The following TIPRL variants were observed in gnomAD, a reference collection of about 807,000 sequenced individuals.
TIPRL encodes TIP41-like protein.
TIPRL carries 10 observed loss-of-function variants against 32.3 expected under a neutral mutation model. That is an observed-to-expected ratio of 0.31 (90% CI 0.19 to 0.52). The LOEUF is 0.52. TIPRL is among the 20% of genes least tolerant of loss of function. The pLI, the probability that TIPRL is intolerant of heterozygous loss-of-function variation, is 0.96. For synonymous variants in TIPRL, 100 were observed against 114.0 expected (o/e 0.88, Z 0.78); for missense variants, 250 against 328.1 (o/e 0.76, Z 1.84).
chr1:168,187,353 T>C (rs1371755196), intron 3 of TIPRL, among the ~76,000 whole-genome samples: 3 of 152,218 alleles, frequency 2.0e-5, no homozygotes, highest in African/African-American at 7.2e-5. Flanking sequence ...TCCTGGAGGT[T>C]ATGAAGCAGC....
At chr1:168,183,185 C>T (rs180737057) in intron 1 of TIPRL, among the ~76,000 whole-genome samples, 143 of 152,112 alleles carry the variant, frequency 9.4e-4, no homozygotes, top group Admixed American at 2.5e-3. Context: ...TATGGATATA[C>T]TTTGGTTTGC....
chr1:168,199,077 T>A, intron 6 of TIPRL, 96 bp downstream of exon 6: 2 of 871,336 alleles, frequency 2.3e-6, no homozygotes, highest in Non-Finnish European at 3.7e-6. Context: ...CAAGTTTACA[T>A]CCCTAAACCC....
intron 4 of TIPRL, among the ~76,000 whole-genome samples, chr1:168,196,310 T>G (rs1298733579): frequency 6.6e-6 from 1 of 152,172 alleles, no homozygotes; most frequent in African/African-American, 2.4e-5. Flanking sequence ...CAATATCTCC[T>G]CACCTAGAAA....
chr1:168,181,463 C>T (rs925991973), intron 1 of TIPRL, among the ~76,000 whole-genome samples: 1 of 151,512 alleles, frequency 6.6e-6, no homozygotes, highest in Non-Finnish European at 1.5e-5. Context: ...CACCTGCCCT[C>T]GGCCTCCCAA....
intron 3 of TIPRL, among the ~76,000 whole-genome samples, chr1:168,190,285 T>G (rs986153358): frequency 6.6e-6 from 1 of 152,202 alleles, no homozygotes; most frequent in Non-Finnish European, 1.5e-5. Flanking sequence ...GGCTAAGTGT[T>G]ATCTCTAAGT....
chr1:168,184,070 G>T lies in TIPRL; in HGVS notation c.273G>T (p.Trp91Cys). Residue 91 changes from tryptophan (W) to cysteine (C), a missense_variant, in exon 2 of 7, where the codon TGG becomes TGT. By Grantham distance (215) the Trp-to-Cys change is radical. Transcript: ENST00000367833. ...GMLKVACAEE[W>C]QESRTEGEHS... is the part of the protein sequence containing the mutation. Reference sequence around the variant, plus strand: ...TTAAAGTGGCCTGTGCTGAAGAGTGGCAAGAAAGCAGGTGAGAATCCGGTC... The same window carrying T: ...TTAAAGTGGCCTGTGCTGAAGAGTGTCAAGAAAGCAGGTGAGAATCCGGTC... 2 of 1,605,050 alleles carry T rather than the reference G, an allele frequency of 1.2e-6. No individual in the cohort carries two copies. The highest frequency in any genetic ancestry group is 1.7e-6 in the Non-Finnish European group (2 of 1,173,188).
intron 1 of TIPRL, among the ~76,000 whole-genome samples, chr1:168,180,953 T>C (rs975708096): frequency 2.6e-5 from 4 of 151,186 alleles, no homozygotes; most frequent in African/African-American, 9.7e-5. Context: ...CATGAGCCAC[T>C]GCGCCCAGCC....
At chr1:168,184,644 G>A in intron 2 of TIPRL, 135 bp from the exon 3 acceptor site, 2 of 675,986 alleles carry the variant, frequency 3.0e-6, no homozygotes. Flanking sequence ...GAAAAACCTT[G>A]TACTGGTGAA....
intron 3 of TIPRL, among the ~76,000 whole-genome samples, chr1:168,191,131 A>T (rs1210840957): frequency 1.3e-5 from 2 of 152,100 alleles, no homozygotes; most frequent in African/African-American, 4.8e-5. Context: ...AAAATGATAA[A>T]TTTTTACTGC....
Position 168,184,815 on chromosome 1 carries a change from A to G in TIPRL, c.321A>G (p.Pro107=), listed in dbSNP as rs559074902. 4 of 1,612,842 alleles carry G rather than the reference A, an allele frequency of 2.5e-6. No homozygotes were observed. Among genetic ancestry groups the G allele is most frequent in the African/African-American group, 1.3e-5 (1 of 75,030 alleles). The part of the protein sequence containing the change: ...EGEHSKEVIK[P]YDWTYTTDYK... Reference sequence around the variant, plus strand: ...AACACTCCAAAGAGGTTATTAAACCATATGATTGGACCTATACAACAGATT... The same window carrying G: ...AACACTCCAAAGAGGTTATTAAACCGTATGATTGGACCTATACAACAGATT... The change falls in exon 3 of 7, where the codon CCA becomes CCG. Residue 107 remains proline, a synonymous_variant. Transcript: ENST00000367833.
intron 6 of TIPRL, among the ~76,000 whole-genome samples, chr1:168,199,654 T>C (rs912849869): frequency 1.3e-5 from 2 of 152,188 alleles, no homozygotes; most frequent in African/African-American, 4.8e-5. Context: ...TGGATTAAGA[T>C]GTATTAAATT....
intron 3 of TIPRL, among the ~76,000 whole-genome samples, chr1:168,186,098 A>AAT (rs1700024606): frequency 6.6e-6 from 1 of 150,376 alleles, no homozygotes. Flanking sequence ...AAAAAAAAAA[A>AAT]AAAAAGAGAG....
chr1:168,193,434 A>G (rs1023973195), intron 4 of TIPRL, among the ~76,000 whole-genome samples: 1 of 152,184 alleles, frequency 6.6e-6, no homozygotes, highest in African/African-American at 2.4e-5. Flanking sequence ...TTCTTTGCTC[A>G]CTTATAACTC....
At chr1:168,192,126 A>G (rs1381070836) in intron 4 of TIPRL, 4 of 1,328,068 alleles carry the variant, frequency 3.0e-6, no homozygotes, top group Non-Finnish European at 3.9e-6. Context: ...GGATCTGCAG[A>G]CGGCAAGGTG....
intron 3 of TIPRL, among the ~76,000 whole-genome samples, chr1:168,190,036 CAAATA>C (rs1241580704): frequency 2.0e-5 from 3 of 152,126 alleles, no homozygotes; most frequent in Non-Finnish European, 2.9e-5. Flanking sequence ...GAACTAAAAT[CAAATA>C]AAAAGGACGA....
At chr1:168,186,074 CAAAAAAAAAAAAAAAA>C (rs56699636) in intron 3 of TIPRL, among the ~76,000 whole-genome samples, 6 of 56,058 alleles carry the variant, frequency 1.1e-4, no homozygotes, top group East Asian at 1.2e-3. Context: ...GACTCCGTCT[CAAAAAAAAAAAAAAAA>C]AAAAAAAAAA....
At position 168,198,932 on chromosome 1, in the gene TIPRL, AC is replaced by A; in HGVS notation, c.627del (p.Tyr209Ter). Reference sequence around the variant, plus strand: ...TTTTAAATACAGGCTGACAAGACCTACATGTTACGAGAATATACGTCACGAG... The same window carrying A: ...TTTTAAATACAGGCTGACAAGACCTAATGTTACGAGAATATACGTCACGAG... ...TRLYHEADKT[Y>X]MLREYTSRES... On this transcript the variant is annotated frameshift_variant, in exon 6 of 7. Coordinates refer to ENST00000367833, the MANE Select transcript of TIPRL (RefSeq NM_152902.5). LOFTEE classifies it high-confidence loss of function. 4.3e-6 allele frequency: 7 copies of A among 1,612,030 alleles called. No homozygotes were observed. The highest frequency in any genetic ancestry group is 5.9e-6 in the Non-Finnish European group (7 of 1,178,792).
intron 4 of TIPRL, among the ~76,000 whole-genome samples, chr1:168,195,062 G>T (rs890513292): frequency 2.0e-5 from 3 of 152,208 alleles, no homozygotes; most frequent in Admixed American, 6.5e-5. Flanking sequence ...GAATACTCCA[G>T]GTAAGGGAAG....
chr1:168,185,216 C>T (rs1320992), intron 3 of TIPRL, among the ~76,000 whole-genome samples: 68,673 of 151,994 alleles, frequency 0.45, 18,695 homozygotes, highest in African/African-American at 0.75. Flanking sequence ...GCTTGTAGCT[C>T]ACAAGTTTAT....
Sources: allele counts gnomAD v4.1 joint callset (sites outside exome capture counted in the v4.1 genomes callset), GRCh38; gene constraint gnomAD v4.1.1; transcripts MANE v1.5; gene names NCBI Gene and HGNC (gene_info 2026-07-23, HGNC 2026-07-21).